The following KIFC3 variants were observed in gnomAD, a reference collection of about 807,000 sequenced individuals.
KIFC3 encodes kinesin-like protein KIFC3.
In KIFC3, 60 loss-of-function variants were observed where a neutral mutation model predicts 101.8. That is an observed-to-expected ratio of 0.59 (90% confidence interval 0.48 to 0.73). The LOEUF (loss-of-function observed/expected upper bound fraction) is 0.73, where lower values mean the gene tolerates loss of function less well. Ranked by LOEUF, KIFC3 falls within the 30% of genes least tolerant of loss-of-function variation. KIFC3 has a pLI of 0.00. For synonymous variants in KIFC3, 476 were observed against 482.7 expected (o/e 0.99, Z 0.18); for missense variants, 966 against 1,137.1 (o/e 0.85, Z 2.16).
upstream of KIFC3, chr16:57,802,562 C>T: frequency 1.0e-6 from 1 of 991,536 alleles, no homozygotes; most frequent in South Asian, 4.7e-5. The surrounding 1 kb of genome is among the most constrained non-coding windows in gnomAD (Gnocchi z 5.0). Flanking sequence ...GCTCCGACCC[C>T]GGCGGGGGGC....
chr16:57,853,328 A>G (rs1241605378), intron 1 of KIFC3, among the ~76,000 whole-genome samples: 2 of 152,060 alleles, frequency 1.3e-5, no homozygotes, highest in Non-Finnish European at 2.9e-5. Context: ...CTGGGGCAGG[A>G]GAATCACTTG....
upstream of KIFC3, among the ~76,000 whole-genome samples, chr16:57,804,713 C>T (rs1373082154): frequency 1.3e-5 from 2 of 151,612 alleles, no homozygotes; most frequent in African/African-American, 4.9e-5. Flanking sequence ...CCTGAGCCTC[C>T]TGAGTAGCTG....
chr16:57,854,991 G>A (rs141473817), intron 1 of KIFC3, among the ~76,000 whole-genome samples: 118 of 152,222 alleles, frequency 7.8e-4, no homozygotes, highest in African/African-American at 2.6e-3. Flanking sequence ...AAGTCAAGGC[G>A]GGAGAATCAT....
intron 2 of KIFC3, among the ~76,000 whole-genome samples, chr16:57,795,889 T>TGTTTG (rs797034456): frequency 2.5e-4 from 20 of 81,542 alleles, no homozygotes; most frequent in African/African-American, 6.4e-4. Flanking sequence ...TTTTTGTTTT[T>TGTTTG]TTTTTTTTTT....
At chr16:57,782,222 G>C in intron 3 of KIFC3, 1 of 842,954 alleles carries the variant, frequency 1.2e-6, no homozygotes, top group Non-Finnish European at 1.4e-6. Context: ...ACTGCAATGC[G>C]ACATTTGTGA....
At chr16:57,851,146 G>A (rs1306526855) in intron 1 of KIFC3, among the ~76,000 whole-genome samples, 5 of 152,052 alleles carry the variant, frequency 3.3e-5, no homozygotes, top group Non-Finnish European at 7.4e-5. Flanking sequence ...GAGTAGCCAG[G>A]ATTACAGGAG....
chr16:57,775,778 A>C (rs369050158), intron 3 of KIFC3: 1 of 985,574 alleles, frequency 1.0e-6, no homozygotes, highest in African/African-American at 1.7e-5. Flanking sequence ...AGGAGAAAGC[A>C]GACTCCCCAC....
At chr16:57,818,052 A>G (rs2967144) in intron 1 of KIFC3, among the ~76,000 whole-genome samples, 70,461 of 150,754 alleles carry the variant, frequency 0.47, 17,548 homozygotes, top group African/African-American at 0.64. Flanking sequence ...GTTTTGAGAC[A>G]GAGTCTCACT....
chr16:57,842,269 T>TC (rs1359035489), intron 1 of KIFC3, among the ~76,000 whole-genome samples: 2 of 152,130 alleles, frequency 1.3e-5, no homozygotes. Flanking sequence ...ACTAACTGCC[T>TC]CCCCCACCTG....
chr16:57,839,546 GATA>G (rs1164858109), intron 1 of KIFC3, among the ~76,000 whole-genome samples: 1 of 151,886 alleles, frequency 6.6e-6, no homozygotes, highest in Non-Finnish European at 1.5e-5. Flanking sequence ...TCTCAATAAT[GATA>G]ATAATAATAA....
At chr16:57,816,422 G>A in intron 1 of KIFC3, 1 of 509,670 alleles carries the variant, frequency 2.0e-6, no homozygotes, top group Non-Finnish European at 3.6e-6. Flanking sequence ...GCTGGGCCAA[G>A]AGGCAAAGGT....
chr16:57,844,247 T>A (rs530816963), intron 1 of KIFC3, among the ~76,000 whole-genome samples: 2 of 151,214 alleles, frequency 1.3e-5, no homozygotes, highest in Non-Finnish European at 2.9e-5. Flanking sequence ...CTGGCCAACA[T>A]GGGGAAGCCC....
exon 1 of KIFC3, chr16:57,862,740 C>G: frequency 1.6e-6 from 2 of 1,288,164 alleles, no homozygotes; most frequent in Non-Finnish European, 2.0e-6. Flanking sequence ...TTGCACTGCT[C>G]CGGGACACCA....
At chr16:57,844,288 G>A (rs1475714666) in intron 1 of KIFC3, among the ~76,000 whole-genome samples, 4 of 151,858 alleles carry the variant, frequency 2.6e-5, no homozygotes, top group Non-Finnish European at 4.4e-5. Context: ...AAATTAGCTA[G>A]GCATGGTGGC....
chr16:57,798,632 C>A, intron 1 of KIFC3: 1 of 374,844 alleles, frequency 2.7e-6, no homozygotes, highest in East Asian at 6.3e-5. Flanking sequence ...GCAGCATCTC[C>A]GTAAGTCTAA....
In KIFC3 at chr16:57,828,157, C is replaced by T. The variant is rs527871584; in HGVS notation, c.109-29875G>A. 3.9e-5 allele frequency among the ~76,000 whole-genome samples: 6 copies of T among 152,334 alleles called. No individual in the cohort carries two copies. In the East Asian group the frequency reaches 9.7e-4, roughly 25 times the overall value. On this transcript the variant is annotated intron_variant, in intron 1 of 2. Transcript: ENST00000563028. ...GGAGAGAATGGAAGAAGCCACTCTG[C>T]GCTCCTCCTCCTCCTCTCCTTCCTC... is the stretch of plus-strand genomic sequence containing the variant.
At position 57,773,103 on chromosome 16, in the gene KIFC3, A is replaced by T. The variant is rs149845367; in HGVS notation, c.316-815T>A. ...CACCCCCAGAAACCTCTCTCAGGAA[A>T]CAATTCACAGACACAGACTTTGGCT... On this transcript the variant is annotated intron_variant, in intron 3 of 19. Transcript: ENST00000445690. Among the ~76,000 whole-genome samples, 825 of 152,322 alleles carry T rather than the reference A, an allele frequency of 5.4e-3. 10 individuals are homozygous for T. The highest frequency in any genetic ancestry group is 0.035 in the South Asian group (167 of 4,824).
intron 1 of KIFC3, among the ~76,000 whole-genome samples, chr16:57,814,493 G>A (rs1265705730): frequency 6.6e-6 from 1 of 152,096 alleles, no homozygotes; most frequent in African/African-American, 2.4e-5. Flanking sequence ...TATGTGCCAG[G>A]TACTATGTGC....
chr16:57,854,368 C>G (rs1015499016), intron 1 of KIFC3, among the ~76,000 whole-genome samples: 1 of 152,158 alleles, frequency 6.6e-6, no homozygotes, highest in Non-Finnish European at 1.5e-5. Flanking sequence ...TGGCTTTTGC[C>G]TATAATCCCA....
Sources: allele counts gnomAD v4.1 joint callset (sites outside exome capture counted in the v4.1 genomes callset), GRCh38; gene constraint gnomAD v4.1.1; non-coding constraint Gnocchi (gnomAD v3.1); transcripts MANE v1.5; gene names NCBI Gene and HGNC (gene_info 2026-07-23, HGNC 2026-07-21).